PCDH9: variants seen among roughly 807,000 people sequenced by gnomAD.
The protein encoded by PCDH9 is protocadherin-9.
A neutral mutation model predicts 70.6 loss-of-function variants in PCDH9; 24 were observed. The observed-to-expected ratio is 0.34, with a 90% CI of 0.25 to 0.48. PCDH9 has a LOEUF of 0.48. Ranked by LOEUF, PCDH9 falls within the 20% of genes least tolerant of loss-of-function variation. PCDH9 has a pLI of 0.99. For synonymous variants in PCDH9, 562 were observed against 558.5 expected, an observed-to-expected ratio of 1.01 and a Z score of -0.09; for missense variants, 1,281 against 1,503.6, an observed-to-expected ratio of 0.85 and a Z score of 2.45.
At chr13:67,110,947 A>G (rs750995342) in intron 2 of PCDH9, among the ~76,000 whole-genome samples, 4 of 152,234 alleles carry the variant, frequency 2.6e-5, no homozygotes, top group Non-Finnish European at 5.9e-5. Context: ...CTTATCCATT[A>G]GAATGCAAAT....
intron 4 of PCDH9, among the ~76,000 whole-genome samples, chr13:66,447,315 A>G (rs80326309): frequency 0.034 from 5,186 of 152,120 alleles, 318 homozygotes; most frequent in African/African-American, 0.12. Context: ...CATAACTAAT[A>G]GCCTTGGAGA....
chr13:67,126,437 G>T (rs184046305), intron 2 of PCDH9, among the ~76,000 whole-genome samples: 7 of 152,212 alleles, frequency 4.6e-5, no homozygotes, highest in East Asian at 3.9e-4. Context: ...CTTCACGAAG[G>T]TCTGTTTAAC....
At chr13:66,852,581 C>A (rs2081331530) in intron 3 of PCDH9, among the ~76,000 whole-genome samples, 1 of 152,130 alleles carries the variant, frequency 6.6e-6, no homozygotes, top group Non-Finnish European at 1.5e-5. Flanking sequence ...AACACCCCTT[C>A]CCCCAAAGTG....
At chr13:66,685,015 C>T (rs750731266) in intron 3 of PCDH9, among the ~76,000 whole-genome samples, 41 of 148,304 alleles carry the variant, frequency 2.8e-4, no homozygotes, top group African/African-American at 7.3e-4. Flanking sequence ...TGCAGCCTGA[C>T]GATGCAATAG....
intron 2 of PCDH9, among the ~76,000 whole-genome samples, chr13:67,141,844 C>T (rs902391265): frequency 2.0e-5 from 3 of 151,952 alleles, no homozygotes; most frequent in African/African-American, 7.3e-5. Flanking sequence ...AGAGATTGCA[C>T]CTCCTTTATC....
At chr13:66,574,257 C>A (rs990875362) in intron 4 of PCDH9, among the ~76,000 whole-genome samples, 1 of 152,132 alleles carries the variant, frequency 6.6e-6, no homozygotes, top group African/African-American at 2.4e-5. Flanking sequence ...ATTGTAAGCT[C>A]TACATAGCCA....
chr13:67,101,064 G>C (rs372744853), intron 2 of PCDH9, among the ~76,000 whole-genome samples: 1 of 152,150 alleles, frequency 6.6e-6, no homozygotes, highest in African/African-American at 2.4e-5. Flanking sequence ...CAGAATCATT[G>C]ATAGCAAGAA....
chr13:66,802,592 T>C (rs1313455824), intron 3 of PCDH9, among the ~76,000 whole-genome samples: 1 of 152,106 alleles, frequency 6.6e-6, no homozygotes, highest in African/African-American at 2.4e-5. Flanking sequence ...ATAAAAAATG[T>C]ACACTTCAAT....
intron 3 of PCDH9, among the ~76,000 whole-genome samples, chr13:66,862,893 T>C (rs2081507517): frequency 6.6e-6 from 1 of 152,110 alleles, no homozygotes; most frequent in African/African-American, 2.4e-5. Flanking sequence ...AAAAACTAAA[T>C]ATTGAAAAAT....
chr13:66,738,592 G>GA (rs946667558), intron 3 of PCDH9, among the ~76,000 whole-genome samples: 1 of 132,552 alleles, frequency 7.5e-6, no homozygotes, highest in African/African-American at 2.7e-5. Flanking sequence ...TGAAAACTTT[G>GA]AAAAAAATTT....
At position 66,371,579 on chromosome 13, in the gene PCDH9, A is replaced by G. The variant is rs372154400; in HGVS notation, c.3341-66551T>C. 2.0e-5 allele frequency among the ~76,000 whole-genome samples: 3 copies of G among 152,048 alleles called. No homozygotes were observed. In the East Asian group the frequency reaches 5.8e-4, roughly 29 times the overall value. The stretch of plus-strand genomic sequence containing the variant: ...TCAAAATAATGTGTCCTTTTGCACC[A>G]ACTAACTACAACAAAACTCCTTAAA... On this transcript the variant is annotated intron_variant, in intron 4 of 4. Transcript: ENST00000377865.
At chr13:67,033,425 A>C (rs1160831436) in intron 2 of PCDH9, among the ~76,000 whole-genome samples, 1 of 152,198 alleles carries the variant, frequency 6.6e-6, no homozygotes, top group African/African-American at 2.4e-5. Context: ...AAAAGACAAA[A>C]GGGAAGTTTT....
intron 2 of PCDH9, among the ~76,000 whole-genome samples, chr13:67,003,833 A>C (rs905459385): frequency 6.6e-5 from 10 of 152,330 alleles, no homozygotes; most frequent in Non-Finnish European, 1.2e-4. Context: ...TAGAGATAGC[A>C]CAGGAAGAAA....
At chr13:67,015,025 T>A (rs2084530763) in intron 2 of PCDH9, among the ~76,000 whole-genome samples, 1 of 152,132 alleles carries the variant, frequency 6.6e-6, no homozygotes, top group African/African-American at 2.4e-5. Context: ...TTGGTCCTAG[T>A]CAAGTTTCCT....
At chr13:66,403,823 T>C (rs1246633495) in intron 4 of PCDH9, among the ~76,000 whole-genome samples, 1 of 152,168 alleles carries the variant, frequency 6.6e-6, no homozygotes, top group Admixed American at 6.5e-5. Context: ...GAAATAATTC[T>C]GAACTTACAG....
At chr13:66,865,492 C>T (rs2081557615) in intron 3 of PCDH9, among the ~76,000 whole-genome samples, 1 of 152,138 alleles carries the variant, frequency 6.6e-6, no homozygotes, top group South Asian at 2.1e-4. Flanking sequence ...AAAATTATAT[C>T]TTTTGATCCT....
intron 2 of PCDH9, among the ~76,000 whole-genome samples, chr13:66,954,285 G>T (rs984486219): frequency 1.3e-5 from 2 of 151,988 alleles, no homozygotes; most frequent in African/African-American, 4.8e-5. Context: ...TGTACATATT[G>T]TACTTATATA....
intron 2 of PCDH9, among the ~76,000 whole-genome samples, chr13:67,062,740 T>C (rs566288586): frequency 1.1e-4 from 16 of 152,304 alleles, no homozygotes; most frequent in African/African-American, 3.8e-4. Flanking sequence ...GATTTGGGAA[T>C]GAATTTGTGT....
chr13:66,840,756 CAT>C (rs1402878453), intron 3 of PCDH9, among the ~76,000 whole-genome samples: 1 of 152,118 alleles, frequency 6.6e-6, no homozygotes, highest in Non-Finnish European at 1.5e-5. Flanking sequence ...GCATGACAAA[CAT>C]AAAATGGTTG....
Sources: gnomAD v4.1 joint callset for allele counts (sites outside exome capture counted in the v4.1 genomes callset) on GRCh38, gnomAD v4.1.1 for gene constraint, MANE v1.5 for transcripts, NCBI Gene and HGNC (gene_info 2026-07-23, HGNC 2026-07-21) for gene names.